The following STAT3 variants were observed in gnomAD, a reference collection of about 807,000 sequenced individuals.
STAT3 encodes DNA-binding protein APRF.
STAT3 carries 7 observed loss-of-function variants against 114.3 expected under a neutral mutation model. That is an observed-to-expected ratio of 0.06 (90% CI 0.03 to 0.11). The LOEUF (loss-of-function observed/expected upper bound fraction) is 0.11, where lower values mean the gene tolerates loss of function less well. Among genes scored for constraint, STAT3 ranks in the 10% least tolerant of loss-of-function variants. STAT3 has a pLI of 1.00. For missense variants in STAT3, 364 were observed against 960.9 expected (o/e 0.38, Z 8.21); for synonymous variants, 331 against 354.5 (o/e 0.93, Z 0.74).
chr17:42,321,074 C>T (rs1230101092), intron 21 of STAT3, among the ~76,000 whole-genome samples: 1 of 151,424 alleles, frequency 6.6e-6, no homozygotes, highest in Admixed American at 6.6e-5. Context: ...GTGTGAACCC[C>T]CATGCCCAGC....
At chr17:42,330,406 G>A (rs558630070) in intron 11 of STAT3, among the ~76,000 whole-genome samples, 24 of 149,682 alleles carry the variant, frequency 1.6e-4, no homozygotes, top group South Asian at 2.1e-4. Context: ...GTGAGCCACC[G>A]CGCCCAGCCA....
At chr17:42,344,840 AC>A (rs1191785796) in intron 4 of STAT3, among the ~76,000 whole-genome samples, 6 of 151,162 alleles carry the variant, frequency 4.0e-5, no homozygotes, top group South Asian at 2.1e-4. Context: ...GGCGTGAGCT[AC>A]TACACCTGGC....
In STAT3 at chr17:42,337,324, TG is replaced by T; in HGVS notation, c.797+110del. 1 of 1,467,810 alleles carries T rather than the reference TG, an allele frequency of 6.8e-7. No individual in the cohort carries two copies. The highest frequency in any genetic ancestry group is 9.2e-7 in the Non-Finnish European group (1 of 1,092,536). The allele number at this position is 1,467,810 out of a possible 1,614,324, so 90.9% of individuals were successfully genotyped here. On this transcript the variant is annotated intron_variant, in intron 8 of 23. Transcript: ENST00000264657. The surrounding 1 kb of genome is among the most constrained non-coding windows in gnomAD (Gnocchi z 4.0). ...TTAATTCTTGGGCTAAATTTGAATA[TG>T]GAAAAGTCCCCACGTTGGAGATATA...
intron 8 of STAT3, among the ~76,000 whole-genome samples, chr17:42,336,762 CT>C (rs1410296373): frequency 6.6e-6 from 1 of 151,844 alleles, no homozygotes; most frequent in African/African-American, 2.4e-5. Flanking sequence ...TTTTTCTTCT[CT>C]TGATTAATTT....
At chr17:42,356,675 C>T (rs1195266464) in intron 1 of STAT3, among the ~76,000 whole-genome samples, 3 of 151,890 alleles carry the variant, frequency 2.0e-5, no homozygotes, top group Non-Finnish European at 4.4e-5. Context: ...GACCAGCTGC[C>T]CAAGCTGGTC....
intron 1 of STAT3, among the ~76,000 whole-genome samples, chr17:42,375,686 G>A (rs537677256): frequency 6.5e-4 from 99 of 151,938 alleles, no homozygotes; most frequent in African/African-American, 2.2e-3. Context: ...AAAACTAGAC[G>A]GGTGTGGTGG....
At position 42,351,117 on chromosome 17, in the gene STAT3, G is replaced by A. The variant is rs551594786; in HGVS notation, c.-23-2578C>T. ...CTGCACTCCAGCCTGATGACATAGC[G>A]AGACTCCATCTCAAAAAAAAAAAAA... On this transcript the variant is annotated intron_variant, in intron 1 of 23. Transcript: ENST00000264657. Among the ~76,000 whole-genome samples, 7 of 126,500 alleles carry A rather than the reference G, an allele frequency of 5.5e-5. No homozygotes were observed. In the South Asian group the frequency reaches 9.7e-4, roughly 17 times the overall value. The allele number at this position is 126,500 out of a possible 152,430, so 83.0% of individuals were successfully genotyped here. A position where few individuals can be genotyped will look rare whatever the true frequency, so the allele number is the denominator to read the frequency against.
intron 1 of STAT3, chr17:42,386,964 T>C (rs567664429): frequency 6.6e-6 from 1 of 152,262 alleles, no homozygotes; most frequent in South Asian, 2.1e-4. Context: ...ATATTTAATA[T>C]AAAATAAGAT....
chr17:42,352,934 A>G lies in STAT3; in HGVS notation c.-23-4395T>C, dbSNP rs550508712. On this transcript the variant is annotated intron_variant, in intron 1 of 23. Coordinates refer to ENST00000264657, the MANE Select transcript of STAT3 (RefSeq NM_139276.3). The stretch of plus-strand genomic sequence containing the variant: ...TGAGGACTTAGTGAAAAACAAAAGA[A>G]TGTAAAGTATCTTGTTCATGTTGAA... 3.9e-5 allele frequency among the ~76,000 whole-genome samples: 6 copies of G among 152,358 alleles called. No homozygotes were observed. The East Asian group carries it at 9.6e-4, about 24-fold the overall frequency.
chr17:42,317,208 C>T lies in STAT3; in HGVS notation c.2118G>A (p.Leu706=). ...EADPGSAAPY[L]KTKFICVTPT... ...GTGTCACACAGATAAACTTGGTCTT[C>T]AGGTATGGGGCAGCGCCTGGGAAGA... The change falls in exon 22 of 24, where the codon CTG becomes CTA. Residue 706 remains leucine, a synonymous_variant. Transcript: ENST00000264657. 6.2e-7 allele frequency: 1 copy of T among 1,613,928 alleles called. No individual in the cohort carries two copies. Among genetic ancestry groups the T allele is most frequent in the Non-Finnish European group, 8.5e-7 (1 of 1,179,908 alleles).
intron 1 of STAT3, among the ~76,000 whole-genome samples, chr17:42,356,168 T>A (rs910042606): frequency 6.6e-6 from 1 of 152,206 alleles, no homozygotes; most frequent in Admixed American, 6.5e-5. Flanking sequence ...CTGAATTCTA[T>A]AGGAACCAGT....
chr17:42,372,271 T>A (rs945495004), intron 1 of STAT3, among the ~76,000 whole-genome samples: 3 of 152,188 alleles, frequency 2.0e-5, no homozygotes, highest in African/African-American at 7.2e-5. Context: ...GCAGCTTTAT[T>A]CATAACTGCT....
chr17:42,373,327 GC>G, intron 1 of STAT3, among the ~76,000 whole-genome samples: 1 of 151,592 alleles, frequency 6.6e-6, no homozygotes, highest in East Asian at 1.9e-4. Context: ...TCCAGCCTGG[GC>G]AAAAAGAGTG....
At chr17:42,315,974 C>G in intron 23 of STAT3, 174 bp from the exon 24 acceptor site, 2 of 1,487,234 alleles carry the variant, frequency 1.3e-6, no homozygotes, top group Non-Finnish European at 1.8e-6. Context: ...CTGGAGGACC[C>G]TGCCTCGGGA....
At chr17:42,386,836 T>C (rs1336663615) in intron 1 of STAT3, 1 of 152,238 alleles carries the variant, frequency 6.6e-6, no homozygotes, top group Non-Finnish European at 1.5e-5. Flanking sequence ...AAACATTTTT[T>C]TTTAAATTCC....
At position 42,359,782 on chromosome 17, in the gene STAT3, C is replaced by T. The variant is rs115191779; in HGVS notation, c.-23-11243G>A. ...GGCACAGAATTTTAAGTGATTTGGC[C>T]GGGTGCGGTGGCTCACGCCTGTAAT... On this transcript the variant is annotated intron_variant, in intron 1 of 23. Coordinates refer to ENST00000264657, the MANE Select transcript of STAT3 (RefSeq NM_139276.3). Among the ~76,000 whole-genome samples, 425 of 152,098 alleles carry T rather than the reference C, an allele frequency of 2.8e-3. 3 individuals carry two copies. Among genetic ancestry groups the T allele is most frequent in the African/African-American group, 9.6e-3 (399 of 41,500 alleles).
At chr17:42,377,438 G>T (rs2084529234) in intron 1 of STAT3, among the ~76,000 whole-genome samples, 1 of 152,102 alleles carries the variant, frequency 6.6e-6, no homozygotes. Flanking sequence ...TATTTGCATT[G>T]AGTATTCTCT....
At chr17:42,385,650 T>G (rs1251004812) in intron 1 of STAT3, among the ~76,000 whole-genome samples, 2 of 152,098 alleles carry the variant, frequency 1.3e-5, no homozygotes, top group Non-Finnish European at 2.9e-5. Context: ...AAGAGACACG[T>G]AGAGGCAGAG....
intron 1 of STAT3, among the ~76,000 whole-genome samples, chr17:42,377,282 C>T (rs899037605): frequency 3.9e-5 from 6 of 152,050 alleles, no homozygotes; most frequent in African/African-American, 1.4e-4. Flanking sequence ...TGCTCTGTGG[C>T]CCAGGCTGGA....
Sources: gnomAD v4.1 joint callset for allele counts (sites outside exome capture counted in the v4.1 genomes callset) on GRCh38, gnomAD v4.1.1 for gene constraint, Gnocchi (gnomAD v3.1) non-coding constraint, MANE v1.5 for transcripts, NCBI Gene and HGNC (gene_info 2026-07-23, HGNC 2026-07-21) for gene names.